SLC25A21: variants seen among roughly 807,000 people sequenced by gnomAD.
SLC25A21 encodes solute carrier family 25 member 21.
A neutral mutation model predicts 43.8 loss-of-function variants in SLC25A21; 47 were observed. The observed-to-expected ratio is 1.07, with a 90% CI of 0.85 to 1.37. The LOEUF (loss-of-function observed/expected upper bound fraction) is 1.37, where lower values mean the gene tolerates loss of function less well. SLC25A21 is among the 40% of genes most tolerant of loss of function. The probability of loss-of-function intolerance (pLI) is 0.00; values close to 1 mark genes in which losing one functional copy is unlikely to be tolerated. For synonymous variants in SLC25A21, 131 were observed against 121.3 expected, an observed-to-expected ratio of 1.08 and a Z score of -0.52; for missense variants, 352 against 350.2, an observed-to-expected ratio of 1.00 and a Z score of -0.04.
At chr14:37,002,562 C>A (rs1281240522) in intron 1 of SLC25A21, among the ~76,000 whole-genome samples, 1 of 152,100 alleles carries the variant, frequency 6.6e-6, no homozygotes, top group Non-Finnish European at 1.5e-5. Flanking sequence ...TGAGTCAATT[C>A]CTCTGTAGCT....
At chr14:37,111,353 G>A (rs890998710) in intron 1 of SLC25A21, among the ~76,000 whole-genome samples, 2 of 152,058 alleles carry the variant, frequency 1.3e-5, no homozygotes, top group Non-Finnish European at 2.9e-5. Context: ...CGGTGATTAT[G>A]GATGGATGAC....
At chr14:37,154,262 C>T (rs1205964200) in intron 1 of SLC25A21, among the ~76,000 whole-genome samples, 1 of 152,120 alleles carries the variant, frequency 6.6e-6, no homozygotes, top group African/African-American at 2.4e-5. Flanking sequence ...TATCACTAAT[C>T]CTGTTTAGAG....
At chr14:37,159,214 A>G (rs1963899194) in intron 1 of SLC25A21, among the ~76,000 whole-genome samples, 1 of 18,126 alleles carries the variant, frequency 5.5e-5, no homozygotes, top group Admixed American at 1.2e-3. Context: ...TTCACGGAAC[A>G]GAAAAAAAAA....
rs796155192 is a variant in SLC25A21 at position 36,798,916 on chromosome 14, GAC to G, written c.203+15000_203+15001del. The stretch of plus-strand genomic sequence containing the variant: ...ATAGGGAGAGAAAGAGAGAGAGAGA[GAC>G]AGAGAGAGAGAGAAAGAGAAATTGA... On this transcript the variant is annotated intron_variant, in intron 3 of 9. Transcript: ENST00000331299. 8.1e-3 allele frequency among the ~76,000 whole-genome samples: 1,224 copies of G among 151,584 alleles called. 23 individuals are homozygous for G. The highest frequency in any genetic ancestry group is 0.027 in the African/African-American group (1,123 of 41,206).
chr14:36,806,414 G>A (rs1299389819), intron 3 of SLC25A21, among the ~76,000 whole-genome samples: 1 of 152,060 alleles, frequency 6.6e-6, no homozygotes, highest in Non-Finnish European at 1.5e-5. Flanking sequence ...AATGTTTGAG[G>A]TGATGGATCT....
chr14:36,915,246 T>C (rs929547123), intron 1 of SLC25A21, among the ~76,000 whole-genome samples: 1 of 152,104 alleles, frequency 6.6e-6, no homozygotes, highest in Non-Finnish European at 1.5e-5. Flanking sequence ...TGGCACAGTT[T>C]CAACAGAATT....
chr14:36,895,807 C>T (rs1232792237), intron 1 of SLC25A21, among the ~76,000 whole-genome samples: 2 of 152,212 alleles, frequency 1.3e-5, no homozygotes, highest in Non-Finnish European at 2.9e-5. Context: ...ACCCAGTAGT[C>T]ATTCAGGAGC....
At chr14:37,168,898 C>G (rs1277893629) in intron 1 of SLC25A21, among the ~76,000 whole-genome samples, 1 of 152,146 alleles carries the variant, frequency 6.6e-6, no homozygotes, top group Non-Finnish European at 1.5e-5. Flanking sequence ...TGGCAGAATG[C>G]CCTGTGATTT....
intron 1 of SLC25A21, among the ~76,000 whole-genome samples, chr14:37,043,930 A>ATGTTTTTT (rs1301194161): frequency 1.0e-5 from 1 of 99,522 alleles, no homozygotes; most frequent in African/African-American, 5.1e-5. Context: ...TGTTTGTTTT[A>ATGTTTTTT]TGTTTTTTTG....
At chr14:36,874,273 T>C (rs569144743) in intron 2 of SLC25A21, among the ~76,000 whole-genome samples, 1 of 152,280 alleles carries the variant, frequency 6.6e-6, no homozygotes, top group East Asian at 1.9e-4. Context: ...TTTCATATAG[T>C]GCAAATAAAT....
Position 36,973,581 on chromosome 14 carries a change from G to T in SLC25A21, c.71-98577C>A, listed in dbSNP as rs573897485. The stretch of plus-strand genomic sequence containing the variant: ...ATGAGGAAGACAGATTTGAGCTCAA[G>T]AGAGAGGCTGGGGCCTATTTTGGAG... On this transcript the variant is annotated intron_variant, in intron 1 of 9. Coordinates refer to ENST00000331299, the MANE Select transcript of SLC25A21 (RefSeq NM_030631.4). Among the ~76,000 whole-genome samples the T allele has an allele frequency of 3.9e-5, 6 of 152,378 alleles. No individual in the cohort carries two copies. In the South Asian group the frequency reaches 1.0e-3, roughly 26 times the overall value.
At position 37,040,440 on chromosome 14, in the gene SLC25A21, A is replaced by AAGG. The variant is rs771288503; in HGVS notation, c.70+131840_70+131841insCCT. Among the ~76,000 whole-genome samples the AAGG allele has an allele frequency of 6.0e-4, 29 of 48,700 alleles. 9 individuals are homozygous for AAGG. The African/African-American group carries it at 8.4e-3, about 14-fold the overall frequency. 31.9% of individuals were successfully genotyped at this position (48,700 alleles called of 152,430 possible). The stretch of plus-strand genomic sequence containing the variant: ...GAAAGAAAGAAAGAAAGAAAGAAAG[A>AAGG]AAAGAAAAATTAGTTACAGGGTGAG... On this transcript the variant is annotated intron_variant, in intron 1 of 9. Transcript: ENST00000331299.
chr14:37,043,197 AC>A (rs1202920214), intron 1 of SLC25A21, among the ~76,000 whole-genome samples: 4 of 152,108 alleles, frequency 2.6e-5, no homozygotes, highest in Non-Finnish European at 5.9e-5. Flanking sequence ...TTCAGACAGG[AC>A]CCATTTCCTC....
chr14:36,711,260 G>A (rs183944686), intron 7 of SLC25A21, 58 bp downstream of exon 7: 240 of 1,482,148 alleles, frequency 1.6e-4, no homozygotes, highest in Admixed American at 4.3e-4. Context: ...TTCTACAAAC[G>A]GAGCTATCAT....
intron 1 of SLC25A21, among the ~76,000 whole-genome samples, chr14:36,962,270 A>C (rs1334220821): frequency 1.3e-5 from 2 of 152,228 alleles, no homozygotes; most frequent in African/African-American, 4.8e-5. Context: ...ATGGTAAAAT[A>C]GTTACTACGG....
intron 2 of SLC25A21, among the ~76,000 whole-genome samples, chr14:36,819,822 G>GC (rs1888568693): frequency 6.6e-6 from 1 of 151,848 alleles, no homozygotes; most frequent in South Asian, 2.1e-4. Context: ...TCGTGGTTTT[G>GC]GCCATTACTT....
chr14:36,937,824 T>C (rs750482280), intron 1 of SLC25A21, among the ~76,000 whole-genome samples: 3 of 152,132 alleles, frequency 2.0e-5, no homozygotes, highest in African/African-American at 7.2e-5. Flanking sequence ...CAGAAACTCA[T>C]GGCAGAAAGG....
chr14:36,877,887 C>T (rs1344165735), intron 1 of SLC25A21, among the ~76,000 whole-genome samples: 1 of 152,006 alleles, frequency 6.6e-6, no homozygotes, highest in Non-Finnish European at 1.5e-5. Context: ...CCACGAGGAG[C>T]CAGTGAAGGA....
At position 37,139,768 on chromosome 14, in the gene SLC25A21, CA is replaced by C. The variant is rs1190203063; in HGVS notation, c.70+32512del. ...ATTCCCTTCAAGACTTTATAATCATCAAAAAGTCAGTGTATTTCTTAAATGA... is the reference window on the plus strand; with the variant it reads ...ATTCCCTTCAAGACTTTATAATCATCAAAAGTCAGTGTATTTCTTAAATGA... On this transcript the variant is annotated intron_variant, in intron 1 of 9. Transcript: ENST00000331299. 3.9e-5 allele frequency among the ~76,000 whole-genome samples: 6 copies of C among 152,134 alleles called. No homozygotes were observed. In the East Asian group the frequency reaches 1.2e-3, roughly 29 times the overall value.
Sources: allele counts gnomAD v4.1 joint callset (sites outside exome capture counted in the v4.1 genomes callset), GRCh38; gene constraint gnomAD v4.1.1; transcripts MANE v1.5; gene names NCBI Gene and HGNC (gene_info 2026-07-23, HGNC 2026-07-21).